TRIM5: variants seen among roughly 807,000 people sequenced by gnomAD.
TRIM5 encodes the protein tripartite motif-containing protein 5.
Under a neutral mutation model 35.6 loss-of-function variants are expected in TRIM5, and 31 were observed. That is an observed-to-expected ratio of 0.87 (90% CI 0.65 to 1.18). The LOEUF (loss-of-function observed/expected upper bound fraction) is 1.18. Among genes scored for constraint, TRIM5 ranks in the 50% most tolerant of loss-of-function variants. The pLI is 0.00. For synonymous variants in TRIM5, 243 were observed against 215.6 expected, an observed-to-expected ratio of 1.13 and a Z score of -1.11; for missense variants, 609 against 591.6, an observed-to-expected ratio of 1.03 and a Z score of -0.31.
chr11:5,649,155 A>C, the TRIM5 span, among the ~76,000 whole-genome samples: 1 of 152,222 alleles, frequency 6.6e-6, no homozygotes, highest in Non-Finnish European at 1.5e-5. Flanking sequence ...GTAGTGAAGG[A>C]GCCATGAGGA....
the TRIM5 span, among the ~76,000 whole-genome samples, chr11:5,626,260 A>G: frequency 6.6e-6 from 1 of 152,204 alleles, no homozygotes; most frequent in South Asian, 2.1e-4. Context: ...TTCAATAAAT[A>G]TGAAATATAC....
the TRIM5 span, chr11:5,634,630 G>A: frequency 6.2e-7 from 1 of 1,610,366 alleles, no homozygotes. Context: ...CATCCTTGCA[G>A]TATCAGGTAC....
At chr11:5,600,059 G>T in the TRIM5 span, among the ~76,000 whole-genome samples, 2 of 152,208 alleles carry the variant, frequency 1.3e-5, no homozygotes, top group African/African-American at 2.4e-5. Context: ...ACTCTCAGAT[G>T]ATAGGTAAAT....
rs1048745865 is a variant in TRIM5 at position 5,664,334 on chromosome 11, T to C, written c.*475A>G. 1.0e-6 allele frequency: 1 copy of C among 989,256 alleles called. No individual in the cohort carries two copies. Among genetic ancestry groups the C allele is most frequent in the African/African-American group, 1.7e-5 (1 of 57,246 alleles). The allele number at this position is 989,256 out of a possible 1,614,324, so 61.3% of individuals were successfully genotyped here. A position where few individuals can be genotyped will look rare whatever the true frequency, so the allele number is the denominator to read the frequency against. On this transcript the variant is annotated 3_prime_UTR_variant, in exon 8 of 8. Coordinates refer to ENST00000380034, the MANE Select transcript of TRIM5 (RefSeq NM_033034.3). ...AGATCCTCTAGATACAAAACCTCTA[T>C]ACTTAAGAGTATACCATTTATGATA...
downstream of TRIM5, among the ~76,000 whole-genome samples, chr11:5,660,628 C>T (rs904648053): frequency 7.2e-5 from 11 of 152,160 alleles, no homozygotes; most frequent in African/African-American, 2.4e-4. Context: ...TTTACGCTTT[C>T]TTTCTCTACC....
chr11:5,661,247 A>T (rs1011000080), downstream of TRIM5, among the ~76,000 whole-genome samples: 8 of 151,954 alleles, frequency 5.3e-5, no homozygotes, highest in South Asian at 1.7e-3. Flanking sequence ...AACCAAAGAG[A>T]TCTCTTTTCC....
chr11:5,662,406 A>G (rs1011591958), downstream of TRIM5, among the ~76,000 whole-genome samples: 15 of 152,078 alleles, frequency 9.9e-5, no homozygotes, highest in African/African-American at 3.6e-4. Context: ...GAGAACAAGT[A>G]TTTTTTTGTC....
downstream of TRIM5, among the ~76,000 whole-genome samples, chr11:5,658,933 G>A (rs35476546): frequency 0.085 from 12,936 of 152,136 alleles, 750 homozygotes; most frequent in Non-Finnish European, 0.12. Flanking sequence ...GTTCTCACTT[G>A]TAGGTGGGAA....
At chr11:5,656,355 CTTT>C in the TRIM5 span, among the ~76,000 whole-genome samples, 1 of 142,858 alleles carries the variant, frequency 7.0e-6, no homozygotes, top group African/African-American at 2.6e-5. Flanking sequence ...TGAACAGACA[CTTT>C]TTTTTTTTTT....
At chr11:5,650,261 T>C in the TRIM5 span, among the ~76,000 whole-genome samples, 11 of 152,232 alleles carry the variant, frequency 7.2e-5, no homozygotes, top group Non-Finnish European at 1.0e-4. Flanking sequence ...TCCTTCACCA[T>C]CTATTCAAAC....
the TRIM5 span, among the ~76,000 whole-genome samples, chr11:5,635,087 G>A: frequency 6.6e-6 from 1 of 151,992 alleles, no homozygotes; most frequent in African/African-American, 2.4e-5. Flanking sequence ...TAGTCTCTAG[G>A]CCCCTATTAT....
chr11:5,653,653 G>A, the TRIM5 span, among the ~76,000 whole-genome samples: 14 of 151,730 alleles, frequency 9.2e-5, no homozygotes, highest in Admixed American at 5.3e-4. Flanking sequence ...CACCATGCCC[G>A]ACTAATTTTT....
At chr11:5,683,275 C>A (rs1157572706) in intron 1 of TRIM5, among the ~76,000 whole-genome samples, 1 of 152,216 alleles carries the variant, frequency 6.6e-6, no homozygotes, top group African/African-American at 2.4e-5. Context: ...CACCCAAGGG[C>A]TGAGGAGTGC....
chr11:5,634,894 AAC>A, the TRIM5 span: 1 of 1,600,840 alleles, frequency 6.2e-7, no homozygotes, highest in African/African-American at 1.3e-5. Context: ...AGATTCTGGG[AAC>A]ACAGTTCCCT....
At chr11:5,641,282 C>T in the TRIM5 span, 1 of 1,592,908 alleles carries the variant, frequency 6.3e-7, no homozygotes, top group Non-Finnish European at 8.6e-7. Flanking sequence ...AATAAAAAAT[C>T]TCCCAGAGTA....
chr11:5,668,825 GAC>G (rs1851342635), intron 4 of TRIM5, among the ~76,000 whole-genome samples: 1 of 152,096 alleles, frequency 6.6e-6, no homozygotes, highest in Non-Finnish European at 1.5e-5. Context: ...CCTTAAGTTT[GAC>G]ACACATATGT....
the TRIM5 span, among the ~76,000 whole-genome samples, chr11:5,607,214 A>T: frequency 2.6e-5 from 4 of 152,154 alleles, no homozygotes; most frequent in South Asian, 2.1e-4. Flanking sequence ...AAAAAAAAAA[A>T]ATATTTTATA....
At chr11:5,605,429 G>T in the TRIM5 span, 227 of 1,614,184 alleles carry the variant, frequency 1.4e-4, no homozygotes, top group Non-Finnish European at 1.7e-4. Flanking sequence ...AGCTGAAAAA[G>T]CTGGAACAGG....
chr11:5,633,942 C>T, the TRIM5 span: 2 of 1,606,712 alleles, frequency 1.2e-6, no homozygotes, highest in Non-Finnish European at 1.7e-6. Flanking sequence ...GGAATCTTGA[C>T]AGGACCTTAA....
Sources: allele counts gnomAD v4.1 joint callset (sites outside exome capture counted in the v4.1 genomes callset), GRCh38; gene constraint gnomAD v4.1.1; transcripts MANE v1.5; gene names NCBI Gene and HGNC (gene_info 2026-07-23, HGNC 2026-07-21).